Variants in NFRKB observed in about 807,000 individuals in gnomAD.
NFRKB encodes the protein nuclear factor related to kappaB binding protein.
Under a neutral mutation model 135.7 loss-of-function variants are expected in NFRKB, and 62 were observed. The observed-to-expected ratio is 0.46, with a 90% confidence interval of 0.37 to 0.56. NFRKB has a LOEUF of 0.56. Among genes scored for constraint, NFRKB ranks in the 20% least tolerant of loss-of-function variants. The pLI, the probability that NFRKB is intolerant of heterozygous loss-of-function variation, is 0.00. For synonymous variants in NFRKB, 678 were observed against 635.6 expected (o/e 1.07, Z -1.00); for missense variants, 1,545 against 1,662.0 (o/e 0.93, Z 1.22).
chr11:129,874,599 A>C lies in NFRKB; in HGVS notation c.1979-19T>G. 3 of 1,613,270 alleles carry C rather than the reference A, an allele frequency of 1.9e-6. No homozygotes were observed. The highest frequency in any genetic ancestry group is 1.1e-5 in the South Asian group (1 of 90,902). ...ATCCGCTCTGTGAACAAGAGGGGCA[A>C]GCTTCAGCCAGAGTTTAACCTTAGC... On this transcript the variant is annotated intron_variant, in intron 19 of 26. Coordinates refer to ENST00000682444, the MANE Select transcript of NFRKB (RefSeq NM_001143835.2). The surrounding 1 kb of genome is among the most constrained non-coding windows in gnomAD (Gnocchi z 4.5).
At position 129,864,299 on chromosome 11, in the gene NFRKB, T is replaced by G. The variant is rs939865273; in HGVS notation, c.*426A>C. The G allele has an allele frequency of 1.3e-5, 2 of 155,332 alleles. No individual in the cohort carries two copies. The highest frequency in any genetic ancestry group is 4.8e-5 in the African/African-American group (2 of 41,550). 9.6% of individuals were successfully genotyped at this position (155,332 alleles called of 1,614,324 possible). On this transcript the variant is annotated 3_prime_UTR_variant, in exon 27 of 27. Transcript: ENST00000682444. ...TAAAAAAATAAATTACATAAAATTT[T>G]CTGGACACAAAACTCCTATCCAGAC...
intron 24 of NFRKB, 129 bp from the exon 25 acceptor site, chr11:129,866,112 TCTCAAGG>T: frequency 1.4e-6 from 1 of 708,592 alleles, no homozygotes; most frequent in Non-Finnish European, 2.3e-6. Context: ...CCCACCAGGG[TCTCAAGG>T]CTCCTGAGGT....
At chr11:129,868,747 G>A (rs1254229349) in intron 24 of NFRKB, among the ~76,000 whole-genome samples, 3 of 152,090 alleles carry the variant, frequency 2.0e-5, no homozygotes, top group African/African-American at 4.8e-5. Flanking sequence ...TAAATAAAGC[G>A]GCCGTGGGCG....
rs1236041726 is a variant in NFRKB, at chr11:129,864,514, C to A, written c.*211G>T. On this transcript the variant is annotated 3_prime_UTR_variant, in exon 27 of 27. Transcript: ENST00000682444. ...TTCTCCTAGATTGGTAGAGAGCAGACCTTGGAACCCTGGAGTGAACCTTTC... is the reference window on the plus strand; with the variant it reads ...TTCTCCTAGATTGGTAGAGAGCAGAACTTGGAACCCTGGAGTGAACCTTTC... 1.7e-6 allele frequency: 1 copy of A among 584,858 alleles called. No individual in the cohort carries two copies. Among genetic ancestry groups the A allele is most frequent in the Non-Finnish European group, 3.0e-6 (1 of 334,126 alleles). The allele number at this position is 584,858 out of a possible 1,614,324, so 36.2% of individuals were successfully genotyped here. A position where few individuals can be genotyped will look rare whatever the true frequency, so the allele number is the denominator to read the frequency against.
chr11:129,881,335 G>A (rs1949015585), intron 13 of NFRKB, 108 bp downstream of exon 13: 1 of 1,109,050 alleles, frequency 9.0e-7, no homozygotes, highest in South Asian at 1.4e-5. Context: ...GTCTGATATT[G>A]CTTTTTAAAA....
chr11:129,882,793 T>A (rs949311757), intron 9 of NFRKB, among the ~76,000 whole-genome samples, 162 bp from the exon 10 acceptor site: 4 of 151,160 alleles, frequency 2.6e-5, no homozygotes, highest in East Asian at 1.9e-4. Flanking sequence ...TATAGCTTTA[T>A]TTTTTTTTGA....
intron 23 of NFRKB, among the ~76,000 whole-genome samples, chr11:129,871,847 C>A (rs1161777532): frequency 6.6e-6 from 1 of 152,136 alleles, no homozygotes; most frequent in African/African-American, 2.4e-5. Context: ...TCCAGTGGTT[C>A]CCCCTCACAT....
rs774514836 is a variant in NFRKB at position 129,892,744 on chromosome 11, C to G, written c.106G>C (p.Val36Leu). 6.2e-7 allele frequency: 1 copy of G among 1,614,148 alleles called. No homozygotes were observed. Among genetic ancestry groups the G allele is most frequent in the Admixed American group, 1.7e-5 (1 of 60,030 alleles). Reference protein sequence around the residue: ...MEDCLLGGTRVSLPEDLLEDP... With the variant: ...MEDCLLGGTRLSLPEDLLEDP... ...TCCAGAAGGTCCTCGGGCAGACTAACTCTGGTGCCTCCCAGGAGGCAATCC... is the reference window on the plus strand; with the variant it reads ...TCCAGAAGGTCCTCGGGCAGACTAAGTCTGGTGCCTCCCAGGAGGCAATCC... Residue 36 changes from valine (V) to leucine (L), a missense_variant, in exon 3 of 27, where the codon GTT becomes CTT. Transcript: ENST00000682444.
rs1210434015 is a variant in NFRKB, at chr11:129,874,966, G to A, written c.1855-50C>T. The stretch of plus-strand genomic sequence containing the variant: ...AGAAACAAGTCAAGCTTAGATAACA[G>A]AAGTTATTTGAACTCTAGGAAAAAA... On this transcript the variant is annotated intron_variant, in intron 18 of 26. Transcript: ENST00000682444. The surrounding 1 kb of genome is among the most constrained non-coding windows in gnomAD (Gnocchi z 4.5). 1 of 1,606,830 alleles carries A rather than the reference G, an allele frequency of 6.2e-7. No homozygotes were observed. The highest frequency in any genetic ancestry group is 8.5e-7 in the Non-Finnish European group (1 of 1,174,720).
At chr11:129,883,800 C>A (rs183985266) in intron 8 of NFRKB, among the ~76,000 whole-genome samples, 1 of 152,332 alleles carries the variant, frequency 6.6e-6, no homozygotes, top group Admixed American at 6.5e-5. Flanking sequence ...GCTCCCTAAC[C>A]TCTTGAGCAC....
At chr11:129,881,093 A>G (rs1949004139) in intron 13 of NFRKB, among the ~76,000 whole-genome samples, 1 of 152,238 alleles carries the variant, frequency 6.6e-6, no homozygotes, top group Non-Finnish European at 1.5e-5. Flanking sequence ...GCCCATTTTT[A>G]GGAAAGAAAA....
chr11:129,886,916 T>A (rs918734430), intron 4 of NFRKB, among the ~76,000 whole-genome samples: 3 of 152,206 alleles, frequency 2.0e-5, no homozygotes, highest in Non-Finnish European at 4.4e-5. Flanking sequence ...GTGAAACAGA[T>A]CTCTGCCAAC....
Position 129,892,840 on chromosome 11 carries a change from A to G in NFRKB, c.10T>C (p.Leu4=), listed in dbSNP as rs1949618818. The change falls in exon 3 of 27, where the codon TTA becomes CTA. Residue 4 remains leucine (L), a synonymous_variant. Transcript: ENST00000682444. ...AGAGGATCTGTCAGCATATGGTCTA[A>G]GGAATCCATTGTTTCTTCTCCACAG... The part of the protein sequence containing the change: MDS[L]DHMLTDPLEL... 3 of 1,614,220 alleles carry G rather than the reference A, an allele frequency of 1.9e-6. No homozygotes were observed. Among genetic ancestry groups the G allele is most frequent in the East Asian group, 4.5e-5 (2 of 44,868 alleles).
chr11:129,866,086 C>T (rs1948178450), intron 24 of NFRKB, 103 bp from the exon 25 acceptor site: 2 of 956,566 alleles, frequency 2.1e-6, no homozygotes, highest in Non-Finnish European at 3.0e-6. Flanking sequence ...ACTACAGATG[C>T]TGTCAGTCCC....
Position 129,874,556 on chromosome 11 carries a change from G to T in NFRKB, c.2003C>A (p.Ala668Asp). The T allele has an allele frequency of 6.2e-7, 1 of 1,614,158 alleles. No individual in the cohort carries two copies. Among genetic ancestry groups the T allele is most frequent in the Non-Finnish European group, 8.5e-7 (1 of 1,180,028 alleles). Residue 668 changes from alanine to aspartate, a missense_variant, in exon 20 of 27, where the codon GCT becomes GAT. By Grantham distance (126) the Ala-to-Asp change is moderately radical. Around this residue, in one of 3 missense-constraint regions of NFRKB, gnomAD observed 114 missense variants for 211.0 expected, o/e 0.54. Transcript: ENST00000682444. This position sits in a 1 kb window ranked among gnomAD's most constrained non-coding sequence, Gnocchi z 4.5. The stretch of plus-strand genomic sequence containing the variant: ...AAGAGCTTTTCTGGCTTTAGCTGCA[G>T]CTGCTTGTGCTTGGTGAATCCGCTC... ...EFERIHQAQAAAAKARKALQQ... is the reference protein window; with the variant it reads ...EFERIHQAQADAAKARKALQQ...
rs142351644 is a variant in NFRKB at position 129,891,687 on chromosome 11, C to A, written c.135+1028G>T. On this transcript the variant is annotated intron_variant, in intron 3 of 26. Transcript: ENST00000682444. ...AATCAATCCGTAACCACAGTGTACA[C>A]CCTCTTAGTGACTGCATTTTTAGAC... 4.9e-3 allele frequency among the ~76,000 whole-genome samples: 739 copies of A among 152,304 alleles called. 7 individuals are homozygous for A. Among genetic ancestry groups the A allele is most frequent in the Non-Finnish European group, 8.4e-3 (569 of 68,030 alleles).
intron 24 of NFRKB, among the ~76,000 whole-genome samples, chr11:129,866,401 T>C (rs890064858): frequency 6.6e-6 from 1 of 151,680 alleles, no homozygotes; most frequent in Non-Finnish European, 1.5e-5. Flanking sequence ...TGAAATAAAT[T>C]TGAGGAAGGA....
chr11:129,888,604 C>T lies in NFRKB; in HGVS notation c.327G>A (p.Lys109=), dbSNP rs139590871. 75 of 1,614,086 alleles carry T rather than the reference C, an allele frequency of 4.6e-5. No individual in the cohort carries two copies. In the African/African-American group the frequency reaches 7.5e-4, roughly 16 times the overall value. Residue 109 remains lysine, a synonymous_variant, in exon 4 of 27, where the codon AAG becomes AAA. Coordinates refer to ENST00000682444, the MANE Select transcript of NFRKB (RefSeq NM_001143835.2). ...RFGNPLHIAQ[K]LFRDGHFNPE... is the part of the protein sequence containing the mutation. Reference sequence around the variant, plus strand: ...TACTGAGCTACAAACCTCGGAAAAGCTTCTGGGCAATGTGCAGAGGGTTTC... The same window carrying T: ...TACTGAGCTACAAACCTCGGAAAAGTTTCTGGGCAATGTGCAGAGGGTTTC...
chr11:129,880,145 G>A (rs918890220), intron 13 of NFRKB, among the ~76,000 whole-genome samples: 3 of 151,532 alleles, frequency 2.0e-5, no homozygotes, highest in African/African-American at 4.9e-5. Flanking sequence ...AGCCAAGATC[G>A]TGCCACTGTA....
Sources: gnomAD v4.1 joint callset for allele counts (sites outside exome capture counted in the v4.1 genomes callset) on GRCh38, gnomAD v4.1.1 for gene constraint, gnomAD v4.1.1 regional missense constraint, Gnocchi (gnomAD v3.1) non-coding constraint, MANE v1.5 for transcripts, NCBI Gene and HGNC (gene_info 2026-07-23, HGNC 2026-07-21) for gene names.